Variants in FOXP2 observed in about 807,000 individuals in gnomAD.
The protein encoded by FOXP2 is forkhead box protein P2.
In FOXP2, 12 loss-of-function variants were observed where a neutral mutation model predicts 115.8. The observed-to-expected ratio is 0.10, with a 90% CI of 0.07 to 0.17. FOXP2 has a LOEUF of 0.17. FOXP2 is among the 10% of genes least tolerant of loss of function. FOXP2 has a pLI of 1.00. For synonymous variants in FOXP2, 328 were observed against 297.7 expected, an observed-to-expected ratio of 1.10 and a Z score of -1.05; for missense variants, 629 against 843.5, an observed-to-expected ratio of 0.75 and a Z score of 3.15.
At chr7:114,433,798 T>C (rs1454990120) in intron 2 of FOXP2, among the ~76,000 whole-genome samples, 1 of 151,974 alleles carries the variant, frequency 6.6e-6, no homozygotes, top group Non-Finnish European at 1.5e-5. Context: ...ATTAAAACTA[T>C]TTGATTAAAA....
intron 3 of FOXP2, among the ~76,000 whole-genome samples, chr7:114,551,039 A>G (rs1052820780): frequency 6.6e-6 from 1 of 152,212 alleles, no homozygotes; most frequent in African/African-American, 2.4e-5. Context: ...TGTACTAGAA[A>G]GAGAGTTCAG....
At chr7:114,531,812 C>T (rs1799156827) in intron 2 of FOXP2, among the ~76,000 whole-genome samples, 1 of 151,970 alleles carries the variant, frequency 6.6e-6, no homozygotes, top group Admixed American at 6.6e-5. Flanking sequence ...TACTCCTTTA[C>T]TAACAGTGTA....
intron 2 of FOXP2, among the ~76,000 whole-genome samples, chr7:114,392,997 G>A (rs529451972): frequency 7.1e-4 from 108 of 152,184 alleles, no homozygotes; most frequent in African/African-American, 2.2e-3. Flanking sequence ...GGAAGTTTCC[G>A]TACTCAGGAA....
intron 2 of FOXP2, among the ~76,000 whole-genome samples, chr7:114,449,533 T>C (rs1794980577): frequency 6.6e-6 from 1 of 152,236 alleles, no homozygotes; most frequent in Non-Finnish European, 1.5e-5. Flanking sequence ...CTAGAAACTG[T>C]ATGTATCTGA....
rs368886631 is a variant in FOXP2 at position 114,661,995 on chromosome 7, G to A, written c.1648-70G>A. ...ACTCTGATTAAGTAAGATCAATAAT[G>A]TAGTATGTTGGGCTGCCTTATTAGA... On this transcript the variant is annotated intron_variant, in intron 13 of 16. Transcript: ENST00000350908. 2.4e-4 allele frequency: 371 copies of A among 1,571,134 alleles called. 2 individuals carry two copies. In the South Asian group the frequency reaches 3.8e-3, roughly 16 times the overall value.
At chr7:114,634,714 C>G (rs1466145220) in intron 6 of FOXP2, among the ~76,000 whole-genome samples, 1 of 151,328 alleles carries the variant, frequency 6.6e-6, no homozygotes, top group African/African-American at 2.4e-5. Context: ...GATTATAAAT[C>G]TATGTAATAT....
intron 3 of FOXP2, among the ~76,000 whole-genome samples, chr7:114,619,916 A>G (rs1038496043): frequency 1.8e-4 from 28 of 152,120 alleles, no homozygotes; most frequent in African/African-American, 6.8e-4. Context: ...AGCAGGAAAT[A>G]GTTTTGCATG....
Position 114,402,739 on chromosome 7 carries a change from G to A in FOXP2, c.-10-23763G>A, listed in dbSNP as rs371056593. ...ATACCTGGGCTCAAGCAATCCTCCCGCCTCAGCCCCCTGAGTAGCTGGAAC... is the reference window on the plus strand; with the variant it reads ...ATACCTGGGCTCAAGCAATCCTCCCACCTCAGCCCCCTGAGTAGCTGGAAC... On this transcript the variant is annotated intron_variant, in intron 2 of 17. Transcript: ENST00000634411. 2.8e-4 allele frequency among the ~76,000 whole-genome samples: 43 copies of A among 151,390 alleles called. No homozygotes were observed. In the South Asian group the frequency reaches 6.3e-3, roughly 22 times the overall value.
intron 16 of FOXP2, among the ~76,000 whole-genome samples, chr7:114,682,459 T>TC (rs1364088806): frequency 9.2e-5 from 14 of 152,160 alleles, no homozygotes; most frequent in Non-Finnish European, 1.0e-4. Flanking sequence ...GAGAGTTTCT[T>TC]TAAAGGGATT....
chr7:114,178,823 C>G (rs1457492584), intron 1 of FOXP2, among the ~76,000 whole-genome samples: 4 of 151,866 alleles, frequency 2.6e-5, no homozygotes, highest in Non-Finnish European at 5.9e-5. Flanking sequence ...ATGATCTAGT[C>G]AACCCCCAGT....
At chr7:114,252,769 G>A (rs1795487112) in intron 1 of FOXP2, among the ~76,000 whole-genome samples, 1 of 151,180 alleles carries the variant, frequency 6.6e-6, no homozygotes, top group Non-Finnish European at 1.5e-5. Flanking sequence ...ATTTTTTGAA[G>A]GGTTTTTTGT....
At chr7:114,518,078 A>C (rs895691205) in intron 2 of FOXP2, among the ~76,000 whole-genome samples, 4 of 152,080 alleles carry the variant, frequency 2.6e-5, no homozygotes, top group Non-Finnish European at 5.9e-5. Flanking sequence ...TTTTTTGGTG[A>C]CTATTATAAA....
Position 114,269,462 on chromosome 7 carries a change from G to C in FOXP2, c.-101-18557G>C, listed in dbSNP as rs181717328. Among the ~76,000 whole-genome samples the C allele has an allele frequency of 7.6e-4, 116 of 152,114 alleles. 1 individual carries two copies. Among genetic ancestry groups the C allele is most frequent in the Admixed American group, 1.3e-3 (20 of 15,280 alleles). On this transcript the variant is annotated intron_variant, in intron 1 of 17. Transcript: ENST00000634411. The stretch of plus-strand genomic sequence containing the variant: ...TGTTTTTGAGACACAGTCTTGCTCT[G>C]TCACCCAGGCTGTAGTACAGTGGCA...
At chr7:114,499,966 A>G (rs1018734125) in intron 2 of FOXP2, among the ~76,000 whole-genome samples, 1 of 152,160 alleles carries the variant, frequency 6.6e-6, no homozygotes, top group Non-Finnish European at 1.5e-5. Context: ...CTGTAATCCC[A>G]ACACTTTGGG....
intron 1 of FOXP2, among the ~76,000 whole-genome samples, chr7:114,179,737 A>G (rs894597109): frequency 2.6e-5 from 4 of 152,018 alleles, no homozygotes; most frequent in Non-Finnish European, 5.9e-5. Flanking sequence ...TTAAAAGTCA[A>G]AAATAGTTCC....
At chr7:114,363,502 T>A (rs553219036) in intron 2 of FOXP2, among the ~76,000 whole-genome samples, 1 of 152,168 alleles carries the variant, frequency 6.6e-6, no homozygotes, top group South Asian at 2.1e-4. Flanking sequence ...ACAAAGTAAA[T>A]ATGTATTGTT....
intron 1 of FOXP2, among the ~76,000 whole-genome samples, chr7:114,138,684 C>G (rs1165983006): frequency 2.0e-5 from 3 of 152,132 alleles, no homozygotes; most frequent in Non-Finnish European, 4.4e-5. Context: ...AGCCACCATG[C>G]CCGGCCAAGC....
intron 1 of FOXP2, among the ~76,000 whole-genome samples, chr7:114,251,744 A>T (rs1795450323): frequency 6.6e-6 from 1 of 152,206 alleles, no homozygotes; most frequent in Admixed American, 6.5e-5. Context: ...AACAGGGACA[A>T]TTTGACTTCT....
intron 1 of FOXP2, among the ~76,000 whole-genome samples, chr7:114,125,260 A>G (rs560769206): frequency 1.3e-5 from 2 of 152,278 alleles, no homozygotes; most frequent in South Asian, 4.1e-4. Context: ...TGACTGTCCT[A>G]TCAGCATCCT....
Sources: gnomAD v4.1 joint callset for allele counts (sites outside exome capture counted in the v4.1 genomes callset) on GRCh38, gnomAD v4.1.1 for gene constraint, MANE v1.5 for transcripts, NCBI Gene and HGNC (gene_info 2026-07-23, HGNC 2026-07-21) for gene names.